Variants in MCPH1 observed in about 807,000 individuals in gnomAD.
The protein encoded by MCPH1 is microcephalin 1, also known as microcephalin.
A neutral mutation model predicts 84.5 loss-of-function variants in MCPH1; 104 were observed. That is an observed-to-expected ratio of 1.23 (90% confidence interval 1.05 to 1.45). The LOEUF (loss-of-function observed/expected upper bound fraction) is 1.45. MCPH1 is among the 40% of genes most tolerant of loss of function. The pLI is 0.00. For synonymous variants in MCPH1, 514 were observed against 366.8 expected, an observed-to-expected ratio of 1.40 and a Z score of -4.58; for missense variants, 1,498 against 1,005.7, an observed-to-expected ratio of 1.49 and a Z score of -6.62.
At chr8:6,519,574 A>G (rs1007245025) in intron 12 of MCPH1, among the ~76,000 whole-genome samples, 2 of 152,352 alleles carry the variant, frequency 1.3e-5, no homozygotes, top group East Asian at 3.9e-4. Flanking sequence ...AGGAAAAACA[A>G]CTGACAGTAT....
chr8:6,445,348 A>C lies in MCPH1; in HGVS notation c.1626A>C (p.Leu542Phe). 1 of 1,614,262 alleles carries C rather than the reference A, an allele frequency of 6.2e-7. No individual in the cohort carries two copies. The highest frequency in any genetic ancestry group is 8.5e-7 in the Non-Finnish European group (1 of 1,180,046). The part of the protein sequence containing the change: ...PALPKGHDDD[L>F]TPLEGSLEEM... Reference sequence around the variant, plus strand: ...TTCCAAAAGGACATGATGATGATTTAACTCCTTTGGAAGGAAGCCTTGAAG... The same window carrying C: ...TTCCAAAAGGACATGATGATGATTTCACTCCTTTGGAAGGAAGCCTTGAAG... The change falls in exon 8 of 14, where the codon TTA becomes TTC. Residue 542 changes from leucine (L) to phenylalanine (F), a missense_variant. Physicochemically the swap from Leu to Phe is conservative, Grantham distance 22. Transcript: ENST00000344683.
intron 12 of MCPH1, among the ~76,000 whole-genome samples, chr8:6,601,113 C>T (rs183463911): frequency 5.0e-4 from 76 of 152,084 alleles, no homozygotes; most frequent in African/African-American, 1.7e-3. Flanking sequence ...TGTCCCTAGG[C>T]CTCCCTGCAG....
At chr8:6,475,035 A>T (rs1281381992) in intron 9 of MCPH1, among the ~76,000 whole-genome samples, 1 of 152,150 alleles carries the variant, frequency 6.6e-6, no homozygotes, top group African/African-American at 2.4e-5. Flanking sequence ...AATTTCCTTA[A>T]TTTCTGGGAA....
intron 12 of MCPH1, among the ~76,000 whole-genome samples, chr8:6,603,222 T>G (rs924081023): frequency 7.2e-5 from 11 of 152,152 alleles, no homozygotes; most frequent in African/African-American, 2.7e-4. Flanking sequence ...AATGTGCTTA[T>G]TTTCATAGTC....
At chr8:6,459,783 G>C (rs992854411) in intron 9 of MCPH1, among the ~76,000 whole-genome samples, 5 of 152,220 alleles carry the variant, frequency 3.3e-5, no homozygotes, top group African/African-American at 9.7e-5. Flanking sequence ...TATCTGGGCA[G>C]CCCTGCAGAC....
chr8:6,519,912 C>G (rs1961222), intron 12 of MCPH1: 5 of 1,612,988 alleles, frequency 3.1e-6, no homozygotes, highest in Admixed American at 1.7e-5. Context: ...AGATGCCATT[C>G]GTGGTGTGTC....
At chr8:6,640,412 T>TA (rs1262257157) in intron 13 of MCPH1, among the ~76,000 whole-genome samples, 2 of 152,102 alleles carry the variant, frequency 1.3e-5, no homozygotes, top group Non-Finnish European at 2.9e-5. Context: ...TCCGATTAGT[T>TA]AAAAAAATAG....
At chr8:6,615,628 C>T (rs1395839396) in intron 12 of MCPH1, 10 of 152,184 alleles carry the variant, frequency 6.6e-5, no homozygotes, top group African/African-American at 2.4e-4. Context: ...CACATTTTAT[C>T]TTTTAAATGT....
rs80112072 is a variant in MCPH1, at chr8:6,411,473, C to G, written c.114+2103C>G. Among the ~76,000 whole-genome samples, 530 of 152,236 alleles carry G rather than the reference C, an allele frequency of 3.5e-3. 1 individual carries two copies. The highest frequency in any genetic ancestry group is 0.012 in the African/African-American group (507 of 41,550). On this transcript the variant is annotated intron_variant, in intron 2 of 13. Transcript: ENST00000344683. ...TGATGATGCTGGCAATTCAGATATG[C>G]CAGAGAAGCCTTAAGGTGCTTTAAG...
At chr8:6,438,321 G>T (rs1802975039) in intron 5 of MCPH1, among the ~76,000 whole-genome samples, 1 of 152,168 alleles carries the variant, frequency 6.6e-6, no homozygotes, top group Non-Finnish European at 1.5e-5. Context: ...GGGTGATTCA[G>T]GCTTAAGAGT....
At chr8:6,579,151 A>T (rs1363313066) in intron 12 of MCPH1, among the ~76,000 whole-genome samples, 1 of 152,030 alleles carries the variant, frequency 6.6e-6, no homozygotes, top group African/African-American at 2.4e-5. Context: ...AACACCTGAC[A>T]CCTCCATCTT....
In MCPH1 at chr8:6,477,597, A is replaced by T. The variant is rs1299831812; in HGVS notation, c.1939A>T (p.Thr647Ser). ...LKKSGRGKKPTRTLVMTSMPS... is the reference protein window; with the variant it reads ...LKKSGRGKKPSRTLVMTSMPS... ...CCTTCTTGTTTGAAATCTCTAGCCA[A>T]CAAGAACATTAGTCATGACAAGCAT... Residue 647 changes from threonine (T) to serine (S), a missense_variant, in exon 10 of 14, where the codon ACA becomes TCA. Thr to Ser is a moderately conservative substitution (Grantham distance 58). Coordinates refer to ENST00000344683, the MANE Select transcript of MCPH1 (RefSeq NM_024596.5). The T allele has an allele frequency of 3.7e-6, 6 of 1,612,854 alleles. No homozygotes were observed. The highest frequency in any genetic ancestry group is 5.1e-6 in the Non-Finnish European group (6 of 1,179,386).
At chr8:6,548,383 C>T (rs1822993782) in intron 12 of MCPH1, among the ~76,000 whole-genome samples, 1 of 152,186 alleles carries the variant, frequency 6.6e-6, no homozygotes, top group South Asian at 2.1e-4. Context: ...TAGGAAATTT[C>T]CCGAAAATGG....
chr8:6,447,094 A>G (rs1168249460), intron 8 of MCPH1: 1 of 985,314 alleles, frequency 1.0e-6, no homozygotes, highest in East Asian at 1.1e-4. Flanking sequence ...CCTTCATGCC[A>G]TTACAGACAG....
intron 12 of MCPH1, chr8:6,562,819 C>T (rs1825761448): frequency 6.2e-7 from 1 of 1,613,484 alleles, no homozygotes; most frequent in Non-Finnish European, 8.5e-7. Context: ...GCTGCAGGAC[C>T]CATGCTGGAC....
chr8:6,476,205 G>C (rs1585996519), intron 9 of MCPH1, among the ~76,000 whole-genome samples: 1 of 152,064 alleles, frequency 6.6e-6, no homozygotes, highest in African/African-American at 2.4e-5. Context: ...GAGGTGGGTG[G>C]ATCACCTGAG....
chr8:6,612,277 C>A (rs534447732), intron 12 of MCPH1, among the ~76,000 whole-genome samples: 1 of 151,410 alleles, frequency 6.6e-6, no homozygotes, highest in Non-Finnish European at 1.5e-5. Context: ...GCTGCCCCAT[C>A]ACATTCTGCC....
At chr8:6,560,957 T>G (rs1289913481) in intron 12 of MCPH1, among the ~76,000 whole-genome samples, 2 of 152,232 alleles carry the variant, frequency 1.3e-5, no homozygotes, top group Non-Finnish European at 2.9e-5. Context: ...TCGGGCAGAT[T>G]AGAATATTTA....
At chr8:6,529,946 A>G (rs1563074073) in intron 12 of MCPH1, among the ~76,000 whole-genome samples, 1 of 151,858 alleles carries the variant, frequency 6.6e-6, no homozygotes, top group Non-Finnish European at 1.5e-5. Flanking sequence ...TCTGACCGCT[A>G]TAGGATGTAG....
Sources: allele counts gnomAD v4.1 joint callset (sites outside exome capture counted in the v4.1 genomes callset), GRCh38; gene constraint gnomAD v4.1.1; transcripts MANE v1.5; gene names NCBI Gene and HGNC (gene_info 2026-07-23, HGNC 2026-07-21).